Variants in MARCHF10 observed in about 807,000 individuals in gnomAD.
The protein encoded by MARCHF10 is membrane associated ring-CH-type finger 10, also known as probable E3 ubiquitin-protein ligase MARCHF10.
MARCHF10 carries 64 observed loss-of-function variants against 76.2 expected under a neutral mutation model. That is an observed-to-expected ratio of 0.84 (90% confidence interval 0.69 to 1.03). The LOEUF (loss-of-function observed/expected upper bound fraction) is 1.03, where lower values mean the gene tolerates loss of function less well. Ranked by LOEUF, MARCHF10 falls within the 50% of genes least tolerant of loss-of-function variation. The pLI, the probability that MARCHF10 is intolerant of heterozygous loss-of-function variation, is 0.00. For missense variants in MARCHF10, 875 were observed against 958.0 expected, an observed-to-expected ratio of 0.91 and a Z score of 1.14; for synonymous variants, 340 against 357.5, an observed-to-expected ratio of 0.95 and a Z score of 0.55.
At chr17:62,751,756 C>T (rs1599223912) in intron 4 of MARCHF10, among the ~76,000 whole-genome samples, 1 of 152,198 alleles carries the variant, frequency 6.6e-6, no homozygotes, top group Non-Finnish European at 1.5e-5. Context: ...CGTGGTGGCT[C>T]ACGCCTGTAA....
chr17:62,750,637 A>G (rs2091867549), intron 4 of MARCHF10: 1 of 152,416 alleles, frequency 6.6e-6, no homozygotes, highest in Non-Finnish European at 1.5e-5. Flanking sequence ...TTGTTCTCCA[A>G]TGTCATAGGA....
At chr17:62,707,570 G>C (rs559006705) in intron 9 of MARCHF10, 2 of 152,376 alleles carry the variant, frequency 1.3e-5, no homozygotes, top group Non-Finnish European at 1.5e-5. Context: ...CGAGGCCTCA[G>C]AAGCATTGGC....
chr17:62,788,098 A>G (rs1320613922), intron 3 of MARCHF10, among the ~76,000 whole-genome samples: 4 of 152,200 alleles, frequency 2.6e-5, no homozygotes, highest in Non-Finnish European at 5.9e-5. Context: ...CCTTGCATCA[A>G]GTTAGACCAT....
At chr17:62,704,026 CTCCGGGGCG>C (rs2089415461) in intron 10 of MARCHF10, among the ~76,000 whole-genome samples, 1 of 151,972 alleles carries the variant, frequency 6.6e-6, no homozygotes, top group African/African-American at 2.4e-5. Flanking sequence ...AGCGAGGCGT[CTCCGGGGCG>C]GGGCTGGGGA....
chr17:62,754,164 C>A (rs914842367), intron 4 of MARCHF10, among the ~76,000 whole-genome samples: 13 of 152,146 alleles, frequency 8.5e-5, no homozygotes, highest in African/African-American at 2.9e-4. Context: ...CCTCCTCCTC[C>A]CGGGTTCAAG....
rs2147604365 is a variant in MARCHF10 at position 62,711,796 on chromosome 17, TA to T, written c.2215-453del. ...ACAGAGATGCACCAGGCCTTGTCCA[TA>T]ACGTTCTCAGCAGTCACAGATGTCC... On this transcript the variant is annotated intron_variant, in intron 8 of 10. Transcript: ENST00000311269. The surrounding 1 kb of genome is among the most constrained non-coding windows in gnomAD (Gnocchi z 4.4). Among the ~76,000 whole-genome samples, 1 of 152,320 alleles carries T rather than the reference TA, an allele frequency of 6.6e-6. No homozygotes were observed. The highest frequency in any genetic ancestry group is 2.4e-5 in the African/African-American group (1 of 41,574).
In MARCHF10 at chr17:62,711,728, C is replaced by T. The variant is rs1228480701; in HGVS notation, c.2215-384G>A. Among the ~76,000 whole-genome samples the T allele has an allele frequency of 2.6e-5, 4 of 152,058 alleles. No individual in the cohort carries two copies. Among genetic ancestry groups the T allele is most frequent in the East Asian group, 1.9e-4 (1 of 5,202 alleles). ...CCTGGTGTGGGGGAGAGAGCTTCAT[C>T]GGTAAACAGCTCCAGTACAAGCTGG... On this transcript the variant is annotated intron_variant, in intron 8 of 10. Transcript: ENST00000311269. This position sits in a 1 kb window ranked among gnomAD's most constrained non-coding sequence, Gnocchi z 4.4.
chr17:62,764,795 CTT>C (rs1054458568), intron 3 of MARCHF10, among the ~76,000 whole-genome samples: 2 of 152,200 alleles, frequency 1.3e-5, no homozygotes, highest in Non-Finnish European at 1.5e-5. Context: ...AAAACTTTCT[CTT>C]GTCTAGAAAA....
At chr17:62,801,965 C>T (rs2093082200) in intron 1 of MARCHF10, among the ~76,000 whole-genome samples, 1 of 152,204 alleles carries the variant, frequency 6.6e-6, no homozygotes, top group South Asian at 2.1e-4. Context: ...AATGCAGCCA[C>T]CTTCATCAAG....
chr17:62,780,416 T>C (rs2092636734), intron 3 of MARCHF10, among the ~76,000 whole-genome samples: 1 of 152,158 alleles, frequency 6.6e-6, no homozygotes, highest in East Asian at 1.9e-4. Context: ...ATTACAGTGT[T>C]TACGTTGGGT....
chr17:62,733,218 G>A (rs779981464), intron 6 of MARCHF10, among the ~76,000 whole-genome samples: 1 of 151,848 alleles, frequency 6.6e-6, no homozygotes, highest in Non-Finnish European at 1.5e-5. Context: ...CAGCATTTTG[G>A]GATGCTGAGG....
chr17:62,770,772 C>T (rs952895104), intron 3 of MARCHF10, among the ~76,000 whole-genome samples: 1 of 151,630 alleles, frequency 6.6e-6, no homozygotes, highest in African/African-American at 2.4e-5. Context: ...AACTCCTGAC[C>T]TCAGGTGATT....
chr17:62,744,449 G>A lies in MARCHF10; in HGVS notation c.462C>T (p.Ser154=), dbSNP rs1478562612. ...TGCTTCTGTCCCCAGATGCTCTCGG[G>A]CTGTGCGATTCTGGGCTGACTGTAA... is the stretch of plus-strand genomic sequence containing the variant. The part of the protein sequence containing the change: ...RRFTVSPESH[S]PRASGDRSRQ... The change falls in exon 5 of 11, where the codon AGC becomes AGT. Residue 154 remains serine, a synonymous_variant. Transcript: ENST00000311269. The A allele has an allele frequency of 3.1e-6, 5 of 1,614,028 alleles. No homozygotes were observed. The highest frequency in any genetic ancestry group is 4.2e-6 in the Non-Finnish European group (5 of 1,180,042).
At chr17:62,704,977 A>G (rs1179659184) in intron 10 of MARCHF10, 70 of 979,726 alleles carry the variant, frequency 7.1e-5, no homozygotes, top group Non-Finnish European at 8.2e-5. Context: ...AAAAAGGAAC[A>G]GGGAGAAGGC....
Position 62,711,464 on chromosome 17 carries a change from G to C in MARCHF10, c.2215-120C>G. The C allele has an allele frequency of 1.1e-6, 1 of 871,488 alleles. No individual in the cohort carries two copies. The highest frequency in any genetic ancestry group is 1.8e-6 in the Non-Finnish European group (1 of 553,144). The allele number at this position is 871,488 out of a possible 1,614,324, so 54.0% of individuals were successfully genotyped here. A position where few individuals can be genotyped will look rare whatever the true frequency, so the allele number is the denominator to read the frequency against. On this transcript the variant is annotated intron_variant, in intron 8 of 10. Coordinates refer to ENST00000311269, the MANE Select transcript of MARCHF10 (RefSeq NM_152598.4). This position sits in a 1 kb window ranked among gnomAD's most constrained non-coding sequence, Gnocchi z 4.4. ...ACTGGGAGAAGAGCCCAAGCTCCAA[G>C]GCAAGGCCTGCTCTTGGGGACCAGA... is the stretch of plus-strand genomic sequence containing the variant.
At chr17:62,740,087 T>C (rs200841188) in intron 5 of MARCHF10, among the ~76,000 whole-genome samples, 9 of 151,666 alleles carry the variant, frequency 5.9e-5, no homozygotes, top group South Asian at 2.1e-4. Context: ...TGTGTGCGTG[T>C]GTGTGTGTGT....
In MARCHF10 at chr17:62,766,520, A is replaced by G. The variant is rs552047987; in HGVS notation, c.211-6514T>C. On this transcript the variant is annotated intron_variant, in intron 3 of 10. Coordinates refer to ENST00000311269, the MANE Select transcript of MARCHF10 (RefSeq NM_152598.4). ...CGTCTCAAAAAAGAAAAGAAAAGAA[A>G]AAAAGAACGTTAAAATGCGGTGTTT... Among the ~76,000 whole-genome samples, 6 of 152,302 alleles carry G rather than the reference A, an allele frequency of 3.9e-5. No homozygotes were observed. The East Asian group carries it at 9.6e-4, about 24-fold the overall frequency.
chr17:62,806,711 T>C (rs2093170159), intron 1 of MARCHF10: 1 of 152,232 alleles, frequency 6.6e-6, no homozygotes, highest in East Asian at 1.9e-4. Context: ...CTTTGTGACA[T>C]ACACGTTCTT....
At chr17:62,719,370 T>C (rs2147672196) in intron 8 of MARCHF10, among the ~76,000 whole-genome samples, 1 of 152,334 alleles carries the variant, frequency 6.6e-6, no homozygotes, top group South Asian at 2.1e-4. Context: ...AAATCTTTAT[T>C]TCTCCTTTGC....
Sources: allele counts gnomAD v4.1 joint callset (sites outside exome capture counted in the v4.1 genomes callset), GRCh38; gene constraint gnomAD v4.1.1; non-coding constraint Gnocchi (gnomAD v3.1); transcripts MANE v1.5; gene names NCBI Gene and HGNC (gene_info 2026-07-23, HGNC 2026-07-21).